Variants in DENND4A observed in about 807,000 individuals in gnomAD.
The protein encoded by DENND4A is DENN domain containing 4A, also known as C-myc promoter-binding protein.
A neutral mutation model predicts 199.3 loss-of-function variants in DENND4A; 70 were observed. The observed-to-expected ratio is 0.35, with a 90% CI of 0.29 to 0.43. The LOEUF (loss-of-function observed/expected upper bound fraction) is 0.43, where lower values mean the gene tolerates loss of function less well. DENND4A is among the 20% of genes least tolerant of loss of function. The pLI, the probability that DENND4A is intolerant of heterozygous loss-of-function variation, is 1.00. For synonymous variants in DENND4A, 686 were observed against 766.9 expected, an observed-to-expected ratio of 0.89 and a Z score of 1.74; for missense variants, 1,723 against 2,255.8, an observed-to-expected ratio of 0.76 and a Z score of 4.78.
Position 65,700,665 on chromosome 15 carries a change from A to G in DENND4A, c.2712T>C (p.Ser904=), listed in dbSNP as rs1324329085. 1 of 1,538,040 alleles carries G rather than the reference A, an allele frequency of 6.5e-7. No individual in the cohort carries two copies. Among genetic ancestry groups the G allele is most frequent in the Non-Finnish European group, 8.8e-7 (1 of 1,142,720 alleles). Residue 904 remains serine, a synonymous_variant, in exon 20 of 33, where the codon AGT becomes AGC. Coordinates refer to ENST00000443035, the MANE Select transcript of DENND4A (RefSeq NM_001320835.1). ...LSQTTLSADG[S]DLDAVSHGSM... Reference sequence around the variant, plus strand: ...TGCCATGACTAACAGCATCCAGGTCACTGCCATCTGCTTAAGAACACAATT... The same window carrying G: ...TGCCATGACTAACAGCATCCAGGTCGCTGCCATCTGCTTAAGAACACAATT...
intron 15 of DENND4A, among the ~76,000 whole-genome samples, chr15:65,703,276 C>T (rs1331658810): frequency 2.6e-5 from 4 of 152,136 alleles, no homozygotes; most frequent in African/African-American, 4.8e-5. Flanking sequence ...CATCCAACTC[C>T]AAGGTAACTT....
intron 23 of DENND4A, among the ~76,000 whole-genome samples, chr15:65,688,837 T>A (rs2076879836): frequency 1.3e-5 from 2 of 152,234 alleles, no homozygotes; most frequent in Admixed American, 1.3e-4. Flanking sequence ...AGAAACTGCC[T>A]GCTTTTATTT....
intron 7 of DENND4A, among the ~76,000 whole-genome samples, chr15:65,735,661 A>G (rs950148916): frequency 2.0e-5 from 3 of 152,214 alleles, no homozygotes; most frequent in Non-Finnish European, 4.4e-5. Flanking sequence ...TGTATGATGA[A>G]AGGGAAACTA....
At chr15:65,783,450 T>C (rs1293513431) in intron 1 of DENND4A, among the ~76,000 whole-genome samples, 1 of 152,236 alleles carries the variant, frequency 6.6e-6, no homozygotes, top group Non-Finnish European at 1.5e-5. Context: ...ATAATAGTTA[T>C]ATATGTGTAT....
intron 23 of DENND4A, among the ~76,000 whole-genome samples, chr15:65,681,571 A>ATTTTTT (rs1319956178): frequency 4.9e-5 from 7 of 142,424 alleles, no homozygotes; most frequent in Non-Finnish European, 6.1e-5. Context: ...TTGACATTTC[A>ATTTTTT]TTTTTTTGTT....
In DENND4A at chr15:65,731,643, T is replaced by C; in HGVS notation, c.1165A>G (p.Ser389Gly). 1 of 1,551,054 alleles carries C rather than the reference T, an allele frequency of 6.4e-7. No individual in the cohort carries two copies. The highest frequency in any genetic ancestry group is 8.7e-7 in the Non-Finnish European group (1 of 1,144,342). ...AAATAGAAATGAGGTTTTACTTGCCTTAGTGGAAGAGGTGAAGACACAGGC... is the reference window on the plus strand; with the variant it reads ...AAATAGAAATGAGGTTTTACTTGCCCTAGTGGAAGAGGTGAAGACACAGGC... ...SQPVSSPLPL[S>G]GGKFSTLLQN... The change falls in exon 9 of 33, where the codon AGT becomes GGT. Residue 389 changes from serine (S) to glycine (G), a missense_variant and splice_region_variant. Physicochemically the swap from Ser to Gly is moderately conservative, Grantham distance 56 (BLOSUM62 0). This residue lies in a region of DENND4A where 725 missense variants were observed against 952.9 expected (regional missense o/e 0.76). Coordinates refer to ENST00000443035, the MANE Select transcript of DENND4A (RefSeq NM_001320835.1).
intron 23 of DENND4A, among the ~76,000 whole-genome samples, chr15:65,689,759 T>C (rs1367491714): frequency 1.3e-5 from 2 of 152,202 alleles, no homozygotes; most frequent in African/African-American, 2.4e-5. Context: ...TTCAGTGTAT[T>C]TGAGGCCCTT....
At chr15:65,694,704 G>C (rs2077086603) in intron 22 of DENND4A, among the ~76,000 whole-genome samples, 1 of 152,102 alleles carries the variant, frequency 6.6e-6, no homozygotes, top group Admixed American at 6.5e-5. Context: ...CCCATGTATG[G>C]TCTTTGGCAG....
intron 14 of DENND4A, among the ~76,000 whole-genome samples, chr15:65,708,506 C>G (rs974170998): frequency 3.9e-5 from 6 of 152,138 alleles, no homozygotes; most frequent in African/African-American, 1.4e-4. Flanking sequence ...GTAAAAGATA[C>G]TTCCTTCTAC....
intron 30 of DENND4A, 25 bp downstream of exon 30, chr15:65,665,320 G>A: frequency 6.3e-7 from 1 of 1,577,120 alleles, no homozygotes; most frequent in Non-Finnish European, 8.7e-7. Flanking sequence ...TATGAACAAA[G>A]TCAGCATTCT....
chr15:65,685,025 C>G (rs928298738), intron 23 of DENND4A, among the ~76,000 whole-genome samples: 4 of 151,820 alleles, frequency 2.6e-5, no homozygotes, highest in Non-Finnish European at 4.4e-5. Context: ...GGGGGTTTCA[C>G]CATGTTAGCC....
At chr15:65,708,028 G>A (rs1217855596) in intron 14 of DENND4A, among the ~76,000 whole-genome samples, 6 of 151,966 alleles carry the variant, frequency 3.9e-5, no homozygotes, top group African/African-American at 1.5e-4. Context: ...ACAGGGTCTT[G>A]CTCTGTTGCC....
At chr15:65,725,451 C>A (rs941498063) in intron 11 of DENND4A, among the ~76,000 whole-genome samples, 2 of 152,026 alleles carry the variant, frequency 1.3e-5, no homozygotes, top group South Asian at 2.1e-4. Flanking sequence ...CCGAGGCGGG[C>A]AGATCATGAG....
intron 2 of DENND4A, among the ~76,000 whole-genome samples, chr15:65,760,853 G>A (rs1321324909): frequency 1.3e-5 from 2 of 152,016 alleles, no homozygotes; most frequent in Non-Finnish European, 2.9e-5. Flanking sequence ...CAACGCCACT[G>A]CACTCCAGCC....
At chr15:65,698,816 C>A (rs965691085) in intron 20 of DENND4A, among the ~76,000 whole-genome samples, 22 of 136,138 alleles carry the variant, frequency 1.6e-4, no homozygotes, top group African/African-American at 6.1e-4. Context: ...TGGCTCACTG[C>A]AACCTCCACC....
At chr15:65,745,236 C>G (rs2076357648) in intron 4 of DENND4A, among the ~76,000 whole-genome samples, 1 of 152,130 alleles carries the variant, frequency 6.6e-6, no homozygotes, top group Non-Finnish European at 1.5e-5. Context: ...TAGCTAACAG[C>G]ATAATGTGGT....
chr15:65,695,154 T>C (rs900322080), intron 22 of DENND4A, among the ~76,000 whole-genome samples: 12 of 152,218 alleles, frequency 7.9e-5, no homozygotes, highest in African/African-American at 2.9e-4. Context: ...ATAAGAGTTA[T>C]AGGTGATCTA....
chr15:65,681,278 T>G (rs916102187), intron 23 of DENND4A: 2 of 152,228 alleles, frequency 1.3e-5, no homozygotes, highest in Non-Finnish European at 2.9e-5. Context: ...ATCTATTTCT[T>G]CCAAACTCCA....
Position 65,704,094 on chromosome 15 carries a change from G to A in DENND4A, c.2088-1086C>T, listed in dbSNP as rs1011309734. Among the ~76,000 whole-genome samples, 9 of 152,260 alleles carry A rather than the reference G, an allele frequency of 5.9e-5. 1 individual carries two copies. The highest frequency in any genetic ancestry group is 4.1e-4 in the South Asian group (2 of 4,822). On this transcript the variant is annotated intron_variant, in intron 15 of 32. Transcript: ENST00000443035. ...ATGATTCAATGTTGAGTAGGAAACA[G>A]CAAAGAAATCCAGGAAAACCATGCC...
Sources: allele counts gnomAD v4.1 joint callset (sites outside exome capture counted in the v4.1 genomes callset), GRCh38; gene constraint gnomAD v4.1.1; regional missense constraint gnomAD v4.1.1; transcripts MANE v1.5; gene names NCBI Gene and HGNC (gene_info 2026-07-23, HGNC 2026-07-21).